The following PRAC1 variants were observed in gnomAD, a reference collection of about 807,000 sequenced individuals.
The protein encoded by PRAC1 is PRAC1 small nuclear protein.
PRAC1 carries 4 observed loss-of-function variants against 3.1 expected under a neutral mutation model. The observed-to-expected ratio is 1.28, with a 90% CI of 0.63 to 2.93. The LOEUF is 2.93. PRAC1 is among the 30% of genes most tolerant of loss of function. The probability of loss-of-function intolerance (pLI) is 0.01; values close to 1 mark genes in which losing one functional copy is unlikely to be tolerated. For synonymous variants in PRAC1, 32 were observed against 27.0 expected, an observed-to-expected ratio of 1.18 and a Z score of -0.57; for missense variants, 72 against 66.8, an observed-to-expected ratio of 1.08 and a Z score of -0.27.
rs1216818371 is a variant in PRAC1, at chr17:48,721,739, T to G, written c.*62A>C. On this transcript the variant is annotated 3_prime_UTR_variant, in exon 2 of 2. Coordinates refer to ENST00000290294, the MANE Select transcript of PRAC1 (RefSeq NM_032391.3). ...CCCAGTTTCCTTTTTTAAAAAAATT[T>G]TATTGTATAAATAGAGACAGCGTCT... 5 of 1,362,436 alleles carry G rather than the reference T, an allele frequency of 3.7e-6. No homozygotes were observed. The African/African-American group carries it at 6.0e-5, about 16-fold the overall frequency. 84.4% of individuals were successfully genotyped at this position (1,362,436 alleles called of 1,614,324 possible).
intron 1 of PRAC1, 129 bp downstream of exon 1, chr17:48,722,189 C>A: frequency 2.5e-6 from 2 of 809,428 alleles, no homozygotes; most frequent in East Asian, 5.2e-5. Flanking sequence ...CTGCTGCTCA[C>A]CCTTCCCTTG....
In PRAC1 at chr17:48,721,800, C is replaced by T. The variant is rs774122866; in HGVS notation, c.*1G>A. 1 of 1,539,068 alleles carries T rather than the reference C, an allele frequency of 6.5e-7. No individual in the cohort carries two copies. On this transcript the variant is annotated 3_prime_UTR_variant, in exon 2 of 2. Transcript: ENST00000290294. ...CCCAGGCTGGTCTGGAACTCCTGTG[C>T]TCAAGGAATCTTCCTGCCTCGGCCT...
rs1326343228 is a variant in PRAC1, at chr17:48,721,785, T to A, written c.*16A>T. On this transcript the variant is annotated 3_prime_UTR_variant, in exon 2 of 2. Transcript: ENST00000290294. ...CGTCTTGCTACATTGCCCAGGCTGG[T>A]CTGGAACTCCTGTGCTCAAGGAATC... The A allele has an allele frequency of 1.3e-6, 2 of 1,522,850 alleles. No individual in the cohort carries two copies. Among genetic ancestry groups the A allele is most frequent in the Non-Finnish European group, 1.8e-6 (2 of 1,133,412 alleles). The allele number at this position is 1,522,850 out of a possible 1,614,324, so 94.3% of individuals were successfully genotyped here.
rs1238073943 is a variant in PRAC1 at position 48,721,962 on chromosome 17, C to T, written c.76-63G>A. 25 of 1,434,942 alleles carry T rather than the reference C, an allele frequency of 1.7e-5. 1 individual carries two copies. In the South Asian group the frequency reaches 3.2e-4, roughly 18 times the overall value. The allele number at this position is 1,434,942 out of a possible 1,614,324, so 88.9% of individuals were successfully genotyped here. A position where few individuals can be genotyped will look rare whatever the true frequency, so the allele number is the denominator to read the frequency against. On this transcript the variant is annotated intron_variant, in intron 1 of 1. Transcript: ENST00000290294. ...AATAACGTTATCAATATTAATTTTG[C>T]TTATGCCAGGACTCCATCCCATTGG...
In PRAC1 at chr17:48,721,882, T is replaced by C. The variant is rs1386115932; in HGVS notation, c.93A>G (p.Lys31=). Residue 31 remains lysine (K), a synonymous_variant, in exon 2 of 2, where the codon AAA becomes AAG. Transcript: ENST00000290294. ...FLSNKKTSTL[K]HLLGETRSDG... ...CACTCCTGGTCTCGCCCAGTAGATG[T>C]TTCAAAGTAGATGTTTTCTAAAATA... The C allele has an allele frequency of 6.6e-7, 1 of 1,524,470 alleles. No individual in the cohort carries two copies. The allele number at this position is 1,524,470 out of a possible 1,614,324, so 94.4% of individuals were successfully genotyped here.
intron 1 of PRAC1, 93 bp downstream of exon 1, chr17:48,722,225 A>G (rs762925943): frequency 6.2e-5 from 69 of 1,107,412 alleles, no homozygotes; most frequent in Non-Finnish European, 9.2e-5. Flanking sequence ...GAAGGCTCCC[A>G]AATTCCTGGG....
At chr17:48,722,022 C>A in intron 1 of PRAC1, 123 bp from the exon 2 acceptor site, 2 of 1,133,420 alleles carry the variant, frequency 1.8e-6, no homozygotes, top group Non-Finnish European at 2.4e-6. Flanking sequence ...GACCTTACAG[C>A]GGGTGCTAGT....
chr17:48,722,359 C>T lies in PRAC1; in HGVS notation c.34G>A (p.Ala12Thr), dbSNP rs371130765. Reference protein sequence around the residue: ...LCAHFSDQGPAHLTTSKSAFL... With the variant: ...LCAHFSDQGPTHLTTSKSAFL... ...GCACTCTTGGAGGTAGTAAGATGGG[C>T]CGGTCCTTGATCTGAGAAATGGGCG... The change falls in exon 1 of 2, where the codon GCC becomes ACC. Residue 12 changes from alanine (A) to threonine (T), a missense_variant. By Grantham distance (58) the Ala-to-Thr change is moderately conservative. Transcript: ENST00000290294. The T allele has an allele frequency of 6.2e-7, 1 of 1,614,202 alleles. No individual in the cohort carries two copies. The highest frequency in any genetic ancestry group is 8.5e-7 in the Non-Finnish European group (1 of 1,180,020).
At chr17:48,721,952 A>G (rs776118448) in intron 1 of PRAC1, 53 bp from the exon 2 acceptor site, 84 of 1,455,996 alleles carry the variant, frequency 5.8e-5, no homozygotes, top group Non-Finnish European at 7.1e-5. Flanking sequence ...CGTTATCAAT[A>G]TTAATTTTGC....
Position 48,722,441 on chromosome 17 carries a change from T to G in PRAC1, c.-49A>C. On this transcript the variant is annotated 5_prime_UTR_variant, in exon 1 of 2. Coordinates refer to ENST00000290294, the MANE Select transcript of PRAC1 (RefSeq NM_032391.3). ...GGACCAGAATCCAGCTTGCCTGACC[T>G]TGCAAGCAAGCATCGGCCTAAAGGT... 6.5e-7 allele frequency: 1 copy of G among 1,534,246 alleles called. No homozygotes were observed. The highest frequency in any genetic ancestry group is 9.0e-7 in the Non-Finnish European group (1 of 1,107,178).
intron 1 of PRAC1, 99 bp from the exon 2 acceptor site, chr17:48,721,998 T>A: frequency 7.7e-7 from 1 of 1,297,572 alleles, no homozygotes; most frequent in Non-Finnish European, 1.0e-6. Flanking sequence ...AGACAAACAT[T>A]AAGTCTTATG....
In PRAC1 at chr17:48,722,361, G is replaced by C. The variant is rs778844899; in HGVS notation, c.32C>G (p.Pro11Arg). 1.9e-6 allele frequency: 3 copies of C among 1,614,208 alleles called. No homozygotes were observed. The highest frequency in any genetic ancestry group is 2.2e-5 in the South Asian group (2 of 91,084). ...ACTCTTGGAGGTAGTAAGATGGGCC[G>C]GTCCTTGATCTGAGAAATGGGCGCA... MLCAHFSDQG[P>R]AHLTTSKSAF... Residue 11 changes from proline (P) to arginine (R), a missense_variant, in exon 1 of 2, where the codon CCG becomes CGG. Pro to Arg is a moderately radical substitution (Grantham distance 103). Transcript: ENST00000290294.
chr17:48,722,446 AG>A lies in PRAC1; in HGVS notation c.-55del. The A allele has an allele frequency of 5.9e-6, 9 of 1,515,978 alleles. No individual in the cohort carries two copies. Among genetic ancestry groups the A allele is most frequent in the Non-Finnish European group, 8.3e-6 (9 of 1,090,512 alleles). The allele number at this position is 1,515,978 out of a possible 1,614,324, so 93.9% of individuals were successfully genotyped here. A position where few individuals can be genotyped will look rare whatever the true frequency, so the allele number is the denominator to read the frequency against. On this transcript the variant is annotated 5_prime_UTR_variant, in exon 1 of 2. Coordinates refer to ENST00000290294, the MANE Select transcript of PRAC1 (RefSeq NM_032391.3). ...AGAATCCAGCTTGCCTGACCTTGCA[AG>A]CAAGCATCGGCCTAAAGGTTTCAGC... is the stretch of plus-strand genomic sequence containing the variant.
chr17:48,722,499 C>T lies in PRAC1; in HGVS notation c.-107G>A, dbSNP rs377501304. On this transcript the variant is annotated 5_prime_UTR_variant, in exon 1 of 2. Coordinates refer to ENST00000290294, the MANE Select transcript of PRAC1 (RefSeq NM_032391.3). Reference sequence around the variant, plus strand: ...TCCCAGTGGCGCTCTGTTTGCACGCCTTAGGCTAGGAGAGGAAGGACGGGA... The same window carrying T: ...TCCCAGTGGCGCTCTGTTTGCACGCTTTAGGCTAGGAGAGGAAGGACGGGA... 13 of 935,884 alleles carry T rather than the reference C, an allele frequency of 1.4e-5. No individual in the cohort carries two copies. In the African/African-American group the frequency reaches 1.4e-4, roughly 10 times the overall value. The allele number at this position is 935,884 out of a possible 1,614,324, so 58.0% of individuals were successfully genotyped here.
chr17:48,722,182 C>T (rs2038152473), intron 1 of PRAC1, 136 bp downstream of exon 1: 1 of 773,066 alleles, frequency 1.3e-6, no homozygotes, highest in Non-Finnish European at 2.1e-6. Context: ...TGAAAGCCTG[C>T]TGCTCACCCT....
chr17:48,722,244 T>C, intron 1 of PRAC1, 74 bp downstream of exon 1: 1 of 1,288,080 alleles, frequency 7.8e-7, no homozygotes, highest in Non-Finnish European at 1.1e-6. Context: ...GGAGACCCTC[T>C]CCCAGGGCCT....
rs987312818 is a variant in PRAC1, at chr17:48,721,778, A to T, written c.*23T>A. On this transcript the variant is annotated 3_prime_UTR_variant, in exon 2 of 2. Transcript: ENST00000290294. ...GAGACAGCGTCTTGCTACATTGCCC[A>T]GGCTGGTCTGGAACTCCTGTGCTCA... 1.5e-5 allele frequency: 22 copies of T among 1,511,020 alleles called. No individual in the cohort carries two copies. Among genetic ancestry groups the T allele is most frequent in the Non-Finnish European group, 1.9e-5 (21 of 1,128,584 alleles). 93.6% of individuals were successfully genotyped at this position (1,511,020 alleles called of 1,614,324 possible). A position where few individuals can be genotyped will look rare whatever the true frequency, so the allele number is the denominator to read the frequency against.
In PRAC1 at chr17:48,722,505, C is replaced by T; in HGVS notation, c.-113G>A. 5 of 884,034 alleles carry T rather than the reference C, an allele frequency of 5.7e-6. No homozygotes were observed. The highest frequency in any genetic ancestry group is 9.4e-6 in the Non-Finnish European group (5 of 530,094). The allele number at this position is 884,034 out of a possible 1,614,324, so 54.8% of individuals were successfully genotyped here. ...TGGCGCTCTGTTTGCACGCCTTAGG[C>T]TAGGAGAGGAAGGACGGGAGCACAG... On this transcript the variant is annotated 5_prime_UTR_variant, in exon 1 of 2. Transcript: ENST00000290294.
In PRAC1 at chr17:48,721,834, T is replaced by G; in HGVS notation, c.141A>C (p.Gly47=). Residue 47 remains glycine (G), a synonymous_variant, in exon 2 of 2, where the codon GGA becomes GGC. Coordinates refer to ENST00000290294, the MANE Select transcript of PRAC1 (RefSeq NM_032391.3). The part of the protein sequence containing the change: ...TRSDGSACNS[G]ISGGRGRKIP ...TCTTCCTGCCTCGGCCTCCCGAAAT[T>G]CCAGAATTACAGGCTGAGCCATCAC... is the stretch of plus-strand genomic sequence containing the variant. The G allele has an allele frequency of 6.5e-7, 1 of 1,543,236 alleles. No homozygotes were observed. The highest frequency in any genetic ancestry group is 8.8e-7 in the Non-Finnish European group (1 of 1,142,102).
Sources: allele counts gnomAD v4.1 joint callset, GRCh38; gene constraint gnomAD v4.1.1; transcripts MANE v1.5; gene names NCBI Gene and HGNC (gene_info 2026-07-23, HGNC 2026-07-21).